The following GOLGA7 variants were observed in gnomAD, a reference collection of about 807,000 sequenced individuals.
GOLGA7 encodes the protein golgin subfamily A member 7.
In GOLGA7, 10 loss-of-function variants were observed where a neutral mutation model predicts 21.1. The ratio of observed to expected loss-of-function variants is 0.47; its 90% confidence interval spans 0.29 to 0.80. GOLGA7 has a LOEUF of 0.80. GOLGA7 is among the 30% of genes least tolerant of loss of function. GOLGA7 has a pLI of 0.08. For synonymous variants in GOLGA7, 64 were observed against 62.6 expected (o/e 1.02, Z -0.10); for missense variants, 114 against 166.8 (o/e 0.68, Z 1.74).
intron 2 of GOLGA7, 30 bp from the exon 3 acceptor site, chr8:41,505,881 G>T (rs761008280): frequency 3.5e-6 from 4 of 1,137,904 alleles, no homozygotes; most frequent in Non-Finnish European, 5.2e-6. Context: ...GATGAAGTTT[G>T]TAAGAAGCTG....
intron 2 of GOLGA7, among the ~76,000 whole-genome samples, 197 bp downstream of exon 2, chr8:41,497,858 A>C (rs1313918415): frequency 1.3e-5 from 2 of 152,254 alleles, no homozygotes; most frequent in East Asian, 3.8e-4. Context: ...GTCCACTTGC[A>C]GATGATGTGT....
intron 1 of GOLGA7, among the ~76,000 whole-genome samples, chr8:41,492,729 G>T (rs548349344): frequency 6.6e-6 from 1 of 152,098 alleles, no homozygotes; most frequent in Admixed American, 6.6e-5. Context: ...AGCCTCTTAC[G>T]GAAACTATGA....
In GOLGA7 at chr8:41,497,536, G is replaced by A. The variant is rs1806048679; in HGVS notation, c.139G>A (p.Val47Ile). ...TGATAGGCAGCAGTTTGAAGAAACA[G>A]TTCGAACTCTAAATAACCTTTATGC... is the stretch of plus-strand genomic sequence containing the variant. ...RIDRQQFEET[V>I]RTLNNLYAEA... The change falls in exon 2 of 5, where the codon GTT (valine) becomes ATT (isoleucine). Residue 47 changes from valine (V) to isoleucine (I), a missense_variant. Coordinates refer to ENST00000357743, the MANE Select transcript of GOLGA7 (RefSeq NM_001002296.2). The A allele has an allele frequency of 6.3e-7, 1 of 1,579,526 alleles. No individual in the cohort carries two copies. Among genetic ancestry groups the A allele is most frequent in the Non-Finnish European group, 8.7e-7 (1 of 1,152,272 alleles).
At chr8:41,491,201 G>T (rs543698245) in intron 1 of GOLGA7, among the ~76,000 whole-genome samples, 1 of 152,352 alleles carries the variant, frequency 6.6e-6, no homozygotes, top group East Asian at 1.9e-4. Context: ...GAACTTTGTT[G>T]CCCGGTGCCG....
At chr8:41,492,123 T>A (rs999887798) in intron 1 of GOLGA7, among the ~76,000 whole-genome samples, 1 of 152,260 alleles carries the variant, frequency 6.6e-6, no homozygotes. Context: ...AATATGTTTC[T>A]TGAATTGCAA....
intron 4 of GOLGA7, among the ~76,000 whole-genome samples, chr8:41,508,248 C>A (rs542227585): frequency 2.6e-4 from 40 of 152,292 alleles, no homozygotes; most frequent in African/African-American, 9.6e-4. Flanking sequence ...ATCCCCTTCT[C>A]TTCTTTTTCA....
Position 41,490,592 on chromosome 8 carries a change from C to G in GOLGA7, c.-263C>G, listed in dbSNP as rs1805853075. 4.3e-6 allele frequency: 2 copies of G among 469,806 alleles called. No homozygotes were observed. Among genetic ancestry groups the G allele is most frequent in the Non-Finnish European group, 7.6e-6 (2 of 263,948 alleles). The allele number at this position is 469,806 out of a possible 1,614,324, so 29.1% of individuals were successfully genotyped here. On this transcript the variant is annotated 5_prime_UTR_variant, in exon 1 of 5. Transcript: ENST00000357743. ...GTAAGTGACGGCGAAGGCGGTGCGA[C>G]AGCAGCTGGAGGGCAGAGGAGGCGG...
intron 1 of GOLGA7, among the ~76,000 whole-genome samples, chr8:41,494,775 C>A (rs1313190684): frequency 6.6e-6 from 1 of 152,194 alleles, no homozygotes; most frequent in Non-Finnish European, 1.5e-5. Flanking sequence ...AGAGCCAACA[C>A]CACTTTAAAG....
chr8:41,505,820 C>T (rs992621662), intron 2 of GOLGA7, 91 bp from the exon 3 acceptor site: 3 of 635,938 alleles, frequency 4.7e-6, no homozygotes, highest in South Asian at 4.2e-5. Flanking sequence ...GCCTTGAAAA[C>T]GAATTCCCAC....
chr8:41,504,001 G>A (rs1453506203), intron 2 of GOLGA7, among the ~76,000 whole-genome samples: 1 of 149,056 alleles, frequency 6.7e-6, no homozygotes, highest in African/African-American at 2.5e-5. Context: ...GGATAGCATT[G>A]GGAGATATAC....
Position 41,510,662 on chromosome 8 carries a change from CTGCTTA to C in GOLGA7, c.*1098_*1103del, listed in dbSNP as rs1317937357. 1 of 152,604 alleles carries C rather than the reference CTGCTTA, an allele frequency of 6.6e-6. No individual in the cohort carries two copies. Among genetic ancestry groups the C allele is most frequent in the Non-Finnish European group, 1.5e-5 (1 of 68,066 alleles). The allele number at this position is 152,604 out of a possible 1,614,324, so 9.5% of individuals were successfully genotyped here. ...TGGCTGTACGTTCCTAGGATCGGGG[CTGCTTA>C]TGCCTTTCGTTTATCCTTGGGGTTT... On this transcript the variant is annotated 3_prime_UTR_variant, in exon 5 of 5. Transcript: ENST00000357743.
chr8:41,495,467 T>C (rs1805988176), intron 1 of GOLGA7, among the ~76,000 whole-genome samples: 1 of 150,976 alleles, frequency 6.6e-6, no homozygotes, highest in African/African-American at 2.4e-5. Flanking sequence ...GCATTTTTAG[T>C]AGAGACAGAG....
chr8:41,490,397 C>T (rs569948991), upstream of GOLGA7: 2 of 154,522 alleles, frequency 1.3e-5, no homozygotes, highest in African/African-American at 2.4e-5. Context: ...CCCGCGCGGG[C>T]GGAAGGCGGG....
intron 2 of GOLGA7, among the ~76,000 whole-genome samples, chr8:41,504,129 AAAAAAAACAAAACAAAAC>A (rs1326427895): frequency 2.1e-5 from 3 of 144,988 alleles, no homozygotes; most frequent in Non-Finnish European, 4.5e-5. Context: ...ATAAAAAAAA[AAAAAAAACAAAACAAAAC>A]AAAAAAAAAA....
At chr8:41,501,690 C>T (rs922559726) in intron 2 of GOLGA7, among the ~76,000 whole-genome samples, 13 of 152,188 alleles carry the variant, frequency 8.5e-5, no homozygotes, top group Admixed American at 4.6e-4. Context: ...GCCACTGTGC[C>T]CAGCCAAGAT....
At chr8:41,500,726 A>C (rs1460156687) in intron 2 of GOLGA7, among the ~76,000 whole-genome samples, 1 of 152,240 alleles carries the variant, frequency 6.6e-6, no homozygotes, top group African/African-American at 2.4e-5. Context: ...CGCTGCGCCC[A>C]GCAAGATTTT....
At chr8:41,497,033 A>G (rs1035069862) in intron 1 of GOLGA7, among the ~76,000 whole-genome samples, 16 of 151,518 alleles carry the variant, frequency 1.1e-4, no homozygotes, top group Non-Finnish European at 2.2e-4. Context: ...GATGGTCTCC[A>G]TCTCCTGACC....
chr8:41,495,055 TTAG>T (rs929969091), intron 1 of GOLGA7, among the ~76,000 whole-genome samples: 63 of 151,248 alleles, frequency 4.2e-4, no homozygotes, highest in Admixed American at 1.3e-3. Context: ...AATACAAAAA[TTAG>T]TAGGGAATGG....
At chr8:41,507,365 T>C (rs779590123) in intron 4 of GOLGA7, among the ~76,000 whole-genome samples, 3 of 152,166 alleles carry the variant, frequency 2.0e-5, no homozygotes, top group Non-Finnish European at 4.4e-5. Context: ...TTCAGACTGG[T>C]TTTGTTGTTA....
Sources: gnomAD v4.1 joint callset for allele counts (sites outside exome capture counted in the v4.1 genomes callset) on GRCh38, gnomAD v4.1.1 for gene constraint, MANE v1.5 for transcripts, NCBI Gene and HGNC (gene_info 2026-07-23, HGNC 2026-07-21) for gene names.